Variants in KDM6A observed in about 807,000 individuals in gnomAD.
The protein encoded by KDM6A is lysine-specific demethylase 6A.
Under a neutral mutation model 117.6 loss-of-function variants are expected in KDM6A, and 11 were observed. The observed-to-expected ratio is 0.09, with a 90% CI of 0.06 to 0.15. KDM6A has a LOEUF of 0.15. Ranked by LOEUF, KDM6A falls within the 10% of genes least tolerant of loss-of-function variation. The pLI is 1.00. For missense variants in KDM6A, 799 were observed against 1,077.3 expected, an observed-to-expected ratio of 0.74 and a Z score of 3.62; for synonymous variants, 384 against 396.1, an observed-to-expected ratio of 0.97 and a Z score of 0.36.
chrX:45,040,391 C>T (rs2043039527), intron 8 of KDM6A, among the ~76,000 whole-genome samples: 1 of 89,625 alleles, frequency 1.1e-5, no homozygotes, highest in South Asian at 6.1e-4. Flanking sequence ...GCTGGCCAGG[C>T]GGGGGGCTGA....
At chrX:44,975,329 T>A (rs1362571971) in intron 4 of KDM6A, among the ~76,000 whole-genome samples, 1 of 110,518 alleles carries the variant, frequency 9.0e-6, no homozygotes, top group Non-Finnish European at 1.9e-5. Flanking sequence ...TCTGAATTGC[T>A]GTTTCAGATT....
intron 2 of KDM6A, among the ~76,000 whole-genome samples, chrX:44,901,355 C>CAAA (rs756160982): frequency 9.1e-6 from 1 of 109,471 alleles, no homozygotes; most frequent in African/African-American, 3.4e-5. Context: ...GACTCCATCT[C>CAAA]AAAAAAATAT....
At chrX:45,007,278 A>G (rs1167422084) in intron 4 of KDM6A, among the ~76,000 whole-genome samples, 1 of 112,099 alleles carries the variant, frequency 8.9e-6, no homozygotes, top group Non-Finnish European at 1.9e-5. Context: ...AAACAAGGGC[A>G]ATGTTTTGAG....
At chrX:44,998,780 A>G (rs1231496014) in intron 4 of KDM6A, among the ~76,000 whole-genome samples, 1 of 111,985 alleles carries the variant, frequency 8.9e-6, no homozygotes, top group Non-Finnish European at 1.9e-5. Context: ...GCATAAAAAT[A>G]TAATAGTCTT....
At chrX:45,080,560 T>C (rs1375814390) in intron 21 of KDM6A, among the ~76,000 whole-genome samples, 1 of 112,251 alleles carries the variant, frequency 8.9e-6, no homozygotes, top group African/African-American at 3.2e-5. Flanking sequence ...TGTGATTCAT[T>C]AGATTTGCTT....
Position 44,992,206 on chromosome X carries a change from C to CTTTTTTTT in KDM6A, c.384+17519_384+17526dup, listed in dbSNP as rs779979560. ...CGAAATTTAGCAATACTGTCTTCTT[C>CTTTTTTTT]TTTTTTTTTTTTTTTTTTTTTTTTT... is the stretch of plus-strand genomic sequence containing the variant. On this transcript the variant is annotated intron_variant, in intron 4 of 29. Coordinates refer to ENST00000611820, the MANE Select transcript of KDM6A (RefSeq NM_001291415.2). 1.7e-3 allele frequency among the ~76,000 whole-genome samples: 53 copies of CTTTTTTTT among 32,062 alleles called. 4 individuals are homozygous for CTTTTTTTT. Among genetic ancestry groups the CTTTTTTTT allele is most frequent in the Non-Finnish European group, 2.2e-3 (38 of 17,130 alleles). 27.8% of individuals were successfully genotyped at this position (32,062 alleles called of 115,157 possible).
At chrX:45,041,452 G>A (rs1221457503) in intron 8 of KDM6A, among the ~76,000 whole-genome samples, 15 of 106,189 alleles carry the variant, frequency 1.4e-4, no homozygotes, top group African/African-American at 4.2e-4. Context: ...CCTCCCTCCC[G>A]GACGGGGTGG....
intron 4 of KDM6A, among the ~76,000 whole-genome samples, chrX:44,983,223 G>A (rs905500914): frequency 6.3e-5 from 7 of 111,336 alleles, no homozygotes; most frequent in Non-Finnish European, 1.1e-4. Flanking sequence ...GGTGCATCCC[G>A]GTGATTAAGG....
At chrX:44,894,079 A>C (rs1360740092) in intron 2 of KDM6A, among the ~76,000 whole-genome samples, 1 of 111,994 alleles carries the variant, frequency 8.9e-6, no homozygotes, top group African/African-American at 3.2e-5. Flanking sequence ...CATGACAAGA[A>C]TATGGATGAG....
Position 44,976,959 on chromosome X carries a change from G to A in KDM6A, c.384+2244G>A, listed in dbSNP as rs73490915. 3.1e-3 allele frequency among the ~76,000 whole-genome samples: 346 copies of A among 111,159 alleles called. 4 individuals are homozygous for A. The highest frequency in any genetic ancestry group is 9.5e-3 in the African/African-American group (291 of 30,496). On this transcript the variant is annotated intron_variant, in intron 4 of 29. Coordinates refer to ENST00000611820, the MANE Select transcript of KDM6A (RefSeq NM_001291415.2). The stretch of plus-strand genomic sequence containing the variant: ...TACATCCCTGCCAGTAATGTGTGAG[G>A]GTTCCAGTTTCTCTGTATCCTACTC...
chrX:45,069,252 T>C (rs1712228278), intron 17 of KDM6A, among the ~76,000 whole-genome samples: 1 of 112,030 alleles, frequency 8.9e-6, no homozygotes, highest in Non-Finnish European at 1.9e-5. Flanking sequence ...CTTTTAATTA[T>C]TAATGATGAT....
Position 45,083,338 on chromosome X carries a change from A to G in KDM6A, c.3441-122A>G, listed in dbSNP as rs183975392. The G allele has an allele frequency of 6.0e-5, 39 of 652,678 alleles. No homozygotes were observed. The East Asian group carries it at 1.5e-3, about 24-fold the overall frequency. The allele number at this position is 652,678 out of a possible 1,213,427, so 53.8% of individuals were successfully genotyped here. ...AAAATTTAAGCATTTTCTTATGGAAAAGTAAAATATTTATAGACTTAATTG... is the reference window on the plus strand; with the variant it reads ...AAAATTTAAGCATTTTCTTATGGAAGAGTAAAATATTTATAGACTTAATTG... On this transcript the variant is annotated intron_variant, in intron 23 of 29. Transcript: ENST00000611820.
At chrX:45,077,872 C>T (rs2045206364) in intron 19 of KDM6A, among the ~76,000 whole-genome samples, 2 of 111,414 alleles carry the variant, frequency 1.8e-5, no homozygotes, top group African/African-American at 6.5e-5. Context: ...TCCAACCAAT[C>T]TCCAGAACTT....
intron 4 of KDM6A, among the ~76,000 whole-genome samples, chrX:44,982,089 C>T (rs2039940970): frequency 9.0e-6 from 1 of 111,055 alleles, no homozygotes; most frequent in Admixed American, 9.6e-5. Flanking sequence ...ACAAAACCGA[C>T]CTTTTTCTTA....
chrX:45,041,683 C>G (rs2043223215), intron 8 of KDM6A, among the ~76,000 whole-genome samples: 1 of 110,373 alleles, frequency 9.1e-6, no homozygotes, highest in Non-Finnish European at 1.9e-5. Context: ...TCCTCACTTC[C>G]TAGATGGGAT....
chrX:44,934,129 G>A (rs747837776), intron 2 of KDM6A, among the ~76,000 whole-genome samples: 1 of 111,969 alleles, frequency 8.9e-6, no homozygotes, highest in South Asian at 3.7e-4. Flanking sequence ...CTGTAAGAGT[G>A]CTTCTGGATA....
intron 27 of KDM6A, among the ~76,000 whole-genome samples, chrX:45,094,810 A>G (rs1034647192): frequency 4.5e-5 from 5 of 111,604 alleles, no homozygotes; most frequent in African/African-American, 1.6e-4. Flanking sequence ...TTAAATGTAT[A>G]TACGATACAA....
chrX:44,897,238 A>G (rs1262568691), intron 2 of KDM6A, among the ~76,000 whole-genome samples: 2 of 42,747 alleles, frequency 4.7e-5, no homozygotes, highest in Non-Finnish European at 9.5e-5. Flanking sequence ...CCACTCTTTT[A>G]TTGAGCTCAT....
At chrX:44,940,004 G>A (rs768298568) in intron 2 of KDM6A, among the ~76,000 whole-genome samples, 1 of 111,760 alleles carries the variant, frequency 8.9e-6, no homozygotes, top group Admixed American at 9.5e-5. Flanking sequence ...CTATTGTGGC[G>A]GTCTCCAATT....
Sources: gnomAD v4.1 joint callset for allele counts (sites outside exome capture counted in the v4.1 genomes callset) on GRCh38, gnomAD v4.1.1 for gene constraint, MANE v1.5 for transcripts, NCBI Gene and HGNC (gene_info 2026-07-23, HGNC 2026-07-21) for gene names.